Variants in NUDT1 observed in about 807,000 individuals in gnomAD.
NUDT1 encodes nudix hydrolase 1, also known as oxidized purine nucleoside triphosphate hydrolase.
NUDT1 carries 16 observed loss-of-function variants against 11.3 expected under a neutral mutation model. The observed-to-expected ratio is 1.41, with a 90% confidence interval of 0.96 to 2.15. NUDT1 has a LOEUF of 2.15. Among genes scored for constraint, NUDT1 ranks in the 30% most tolerant of loss-of-function variants. The pLI, the probability that NUDT1 is intolerant of heterozygous loss-of-function variation, is 0.00. For synonymous variants in NUDT1, 101 were observed against 84.4 expected (o/e 1.20, Z -1.08); for missense variants, 234 against 208.4 (o/e 1.12, Z -0.76).
At chr7:2,245,052 G>A (rs1428657935) in intron 2 of NUDT1, among the ~76,000 whole-genome samples, 1 of 152,150 alleles carries the variant, frequency 6.6e-6, no homozygotes, top group African/African-American at 2.4e-5. Flanking sequence ...AGCTTGAATT[G>A]AACCCTCCCA....
Position 2,250,968 on chromosome 7 carries a change from G to A in NUDT1, c.438G>A (p.Leu146=), listed in dbSNP as rs1794997882. The A allele has an allele frequency of 2.5e-6, 4 of 1,613,960 alleles. No homozygotes were observed. Among genetic ancestry groups the A allele is most frequent in the Non-Finnish European group, 3.4e-6 (4 of 1,179,952 alleles). ...AGTTCCAGGGTCAGGACACCATCCT[G>A]GACTACACACTCCGCGAGGTGGACA... ...YFKFQGQDTI[L]DYTLREVDTV The change falls in exon 4 of 4, where the codon CTG becomes CTA. Residue 146 remains leucine (L), a synonymous_variant. Transcript: ENST00000356714.
intron 2 of NUDT1, among the ~76,000 whole-genome samples, chr7:2,244,964 G>A (rs1794715222): frequency 6.6e-6 from 1 of 152,230 alleles, no homozygotes; most frequent in South Asian, 2.1e-4. Context: ...GGTGTGCGGT[G>A]CGTGCTGAGT....
At chr7:2,249,481 G>T in intron 2 of NUDT1, 1 of 310,964 alleles carries the variant, frequency 3.2e-6, no homozygotes, top group Non-Finnish European at 6.2e-6. Context: ...AGGAAGTGGG[G>T]TCAGTCCCAA....
chr7:2,243,058 C>T, intron 1 of NUDT1: 1 of 715,790 alleles, frequency 1.4e-6, no homozygotes, highest in Non-Finnish European at 2.6e-6. Context: ...GGTGATTTTC[C>T]CCTGGAGTCG....
rs558861082 is a variant in NUDT1, at chr7:2,249,085, G to T, written c.153-772G>T. ...GAAACCTGGCTCTGTGTGCCACGAA[G>T]CAGGGAAGGGCTTGTTCCCAGGCGC... On this transcript the variant is annotated intron_variant, in intron 2 of 3. Transcript: ENST00000356714. Among the ~76,000 whole-genome samples the T allele has an allele frequency of 9.6e-4, 147 of 152,350 alleles. 1 individual carries two copies. Among genetic ancestry groups the T allele is most frequent in the African/African-American group, 3.1e-3 (130 of 41,588 alleles).
chr7:2,249,785 TCCTC>T (rs1794903962), intron 2 of NUDT1, 68 bp from the exon 3 acceptor site: 1 of 1,591,864 alleles, frequency 6.3e-7, no homozygotes. Context: ...GCCCAGCTCC[TCCTC>T]CCTGCCATCG....
intron 3 of NUDT1, among the ~76,000 whole-genome samples, chr7:2,250,586 T>C (rs1794960391): frequency 1.3e-5 from 2 of 152,072 alleles, no homozygotes; most frequent in South Asian, 4.1e-4. Flanking sequence ...GCCTCCCAAG[T>C]AGCTGGGACT....
At chr7:2,243,247 G>C (rs538951299) in intron 1 of NUDT1, among the ~76,000 whole-genome samples, 1 of 152,284 alleles carries the variant, frequency 6.6e-6, no homozygotes, top group African/African-American at 2.4e-5. Flanking sequence ...GGACGGGGAC[G>C]TGGCGGGCTC....
chr7:2,243,695 C>G (rs1043282469), intron 1 of NUDT1, among the ~76,000 whole-genome samples: 10 of 152,212 alleles, frequency 6.6e-5, no homozygotes, highest in African/African-American at 2.4e-4. Flanking sequence ...ATGGCTTCAG[C>G]CAGGGAGGCG....
rs1252512747 is a variant in NUDT1, at chr7:2,246,261, C to T, written c.152+1535C>T. ...GGTCAGTCCCTGCCTCTGTGGAGCT[C>T]TCGTGTCATCTGGCTGCCGGGTTCA... On this transcript the variant is annotated intron_variant, in intron 2 of 3. Transcript: ENST00000356714. Among the ~76,000 whole-genome samples, 3 of 152,182 alleles carry T rather than the reference C, an allele frequency of 2.0e-5. No homozygotes were observed. In the East Asian group the frequency reaches 5.8e-4, roughly 29 times the overall value.
chr7:2,250,658 C>T lies in NUDT1; in HGVS notation c.299-171C>T, dbSNP rs1021541761. Among the ~76,000 whole-genome samples the T allele has an allele frequency of 5.1e-5, 7 of 136,968 alleles. No homozygotes were observed. The Admixed American group carries it at 5.2e-4, about 10-fold the overall frequency. The allele number at this position is 136,968 out of a possible 152,430, so 89.9% of individuals were successfully genotyped here. ...TATTTTTAGTAGAGACGGGGTTTCA[C>T]CGTGTTAGCCAGGATGGTCTCGATC... On this transcript the variant is annotated intron_variant, in intron 3 of 3. Coordinates refer to ENST00000356714, the MANE Select transcript of NUDT1 (RefSeq NM_002452.4).
chr7:2,242,409 G>T, intron 1 of NUDT1, 153 bp downstream of exon 1: 1 of 506,664 alleles, frequency 2.0e-6, no homozygotes, highest in Non-Finnish European at 3.5e-6. Context: ...AGGGTCGGGG[G>T]CTCGAGGGAG....
intron 1 of NUDT1, among the ~76,000 whole-genome samples, chr7:2,243,712 A>T (rs1365822289): frequency 2.0e-5 from 3 of 152,322 alleles, no homozygotes; most frequent in South Asian, 4.1e-4. Flanking sequence ...GGCGGAGGTT[A>T]CAGTGAACCG....
At chr7:2,245,171 C>A (rs780662418) in intron 2 of NUDT1, among the ~76,000 whole-genome samples, 6 of 152,214 alleles carry the variant, frequency 3.9e-5, no homozygotes, top group Non-Finnish European at 7.3e-5. Flanking sequence ...AGCCTCACTG[C>A]ATCCTCAACA....
intron 3 of NUDT1, 22 bp from the exon 4 acceptor site, chr7:2,250,807 T>G: frequency 6.2e-7 from 1 of 1,613,916 alleles, no homozygotes; most frequent in Non-Finnish European, 8.5e-7. Context: ...CCTCAGTGCC[T>G]CCTCTTCCCC....
At position 2,249,983 on chromosome 7, in the gene NUDT1, G is replaced by T. The variant is rs762264858; in HGVS notation, c.279G>T (p.Gly93=). ...VHVFCTDSIQ[G]TPVESDEMRP... Reference sequence around the variant, plus strand: ...TCTTCTGCACAGACAGCATCCAGGGGACCCCCGTGGAGAGCGACGGTGAGT... The same window carrying T: ...TCTTCTGCACAGACAGCATCCAGGGTACCCCCGTGGAGAGCGACGGTGAGT... The change falls in exon 3 of 4, where the codon GGG becomes GGT. Residue 93 remains glycine, a synonymous_variant. Coordinates refer to ENST00000356714, the MANE Select transcript of NUDT1 (RefSeq NM_002452.4). 2 of 1,614,092 alleles carry T rather than the reference G, an allele frequency of 1.2e-6. No homozygotes were observed. Among genetic ancestry groups the T allele is most frequent in the South Asian group, 2.2e-5 (2 of 91,088 alleles).
intron 3 of NUDT1, among the ~76,000 whole-genome samples, chr7:2,250,513 A>G (rs1263344662): frequency 2.6e-5 from 4 of 152,238 alleles, no homozygotes; most frequent in Non-Finnish European, 4.4e-5. Flanking sequence ...GCTGGAGGGC[A>G]ATGGCGCAAT....
At chr7:2,244,438 G>A (rs1369116518) in intron 1 of NUDT1, 125 bp from the exon 2 acceptor site, 3 of 929,918 alleles carry the variant, frequency 3.2e-6, no homozygotes, top group South Asian at 1.8e-5. Context: ...GGCAGGGCTG[G>A]GGAGTTACAG....
Position 2,250,854 on chromosome 7 carries a change from G to T in NUDT1, c.324G>T (p.Leu108=). 2 of 1,614,200 alleles carry T rather than the reference G, an allele frequency of 1.2e-6. No individual in the cohort carries two copies. Among genetic ancestry groups the T allele is most frequent in the Non-Finnish European group, 1.7e-6 (2 of 1,180,026 alleles). Residue 108 remains leucine (L), a synonymous_variant, in exon 4 of 4, where the codon CTG becomes CTT. Coordinates refer to ENST00000356714, the MANE Select transcript of NUDT1 (RefSeq NM_002452.4). ...AAATGCGCCCATGCTGGTTCCAGCT[G>T]GATCAGATCCCCTTCAAGGACATGT... is the stretch of plus-strand genomic sequence containing the variant. ...SDEMRPCWFQ[L]DQIPFKDMWP...
Sources: gnomAD v4.1 joint callset for allele counts (sites outside exome capture counted in the v4.1 genomes callset) on GRCh38, gnomAD v4.1.1 for gene constraint, MANE v1.5 for transcripts, NCBI Gene and HGNC (gene_info 2026-07-23, HGNC 2026-07-21) for gene names.